Variants in NKAIN3 observed in about 807,000 individuals in gnomAD.
The protein encoded by NKAIN3 is sodium/potassium-transporting ATPase subunit beta-1-interacting protein 3.
NKAIN3 carries 25 observed loss-of-function variants against 30.2 expected under a neutral mutation model. The observed-to-expected ratio is 0.83, with a 90% CI of 0.60 to 1.16. The LOEUF is 1.16. Ranked by LOEUF, NKAIN3 falls within the 50% of genes most tolerant of loss-of-function variation. The probability of loss-of-function intolerance (pLI) is 0.00; values close to 1 mark genes in which losing one functional copy is unlikely to be tolerated. For missense variants in NKAIN3, 225 were observed against 254.1 expected, an observed-to-expected ratio of 0.89 and a Z score of 0.78; for synonymous variants, 91 against 89.6, an observed-to-expected ratio of 1.02 and a Z score of -0.09.
intron 4 of NKAIN3, among the ~76,000 whole-genome samples, chr8:62,779,628 A>G (rs1260379128): frequency 1.3e-5 from 2 of 152,220 alleles, no homozygotes; most frequent in Non-Finnish European, 2.9e-5. Context: ...ACAGACATTT[A>G]CAGAATATTT....
intron 4 of NKAIN3, among the ~76,000 whole-genome samples, chr8:62,846,006 T>A (rs1460551562): frequency 6.6e-6 from 1 of 152,190 alleles, no homozygotes; most frequent in Non-Finnish European, 1.5e-5. Flanking sequence ...TAGAGTGAAT[T>A]CAGAATGTCA....
chr8:62,597,046 T>G (rs1585991710), intron 3 of NKAIN3, among the ~76,000 whole-genome samples: 2 of 152,210 alleles, frequency 1.3e-5, no homozygotes, highest in East Asian at 3.9e-4. Context: ...TTTAACTGCT[T>G]CTGATACTAA....
intron 1 of NKAIN3, among the ~76,000 whole-genome samples, chr8:62,509,862 C>T (rs1807766101): frequency 6.6e-6 from 1 of 152,094 alleles, no homozygotes; most frequent in South Asian, 2.1e-4. Context: ...ATAGGCAAAG[C>T]ATTCTATTAG....
At chr8:62,904,072 C>A (rs2130841358) in intron 4 of NKAIN3, among the ~76,000 whole-genome samples, 1 of 152,294 alleles carries the variant, frequency 6.6e-6, no homozygotes, top group East Asian at 1.9e-4. Context: ...AGCCCTCAAC[C>A]CCTTAGAAGA....
intron 5 of NKAIN3, among the ~76,000 whole-genome samples, chr8:62,948,837 A>T (rs1344793692): frequency 6.6e-6 from 1 of 152,208 alleles, no homozygotes; most frequent in Non-Finnish European, 1.5e-5. Context: ...TAACGGTGTT[A>T]ATTCACGTCT....
At chr8:62,689,005 T>C (rs1563517158) in intron 3 of NKAIN3, among the ~76,000 whole-genome samples, 1 of 152,224 alleles carries the variant, frequency 6.6e-6, no homozygotes, top group Non-Finnish European at 1.5e-5. Context: ...CAATAACAAC[T>C]GTAAGTATGT....
chr8:62,737,933 G>A (rs1251580563), intron 3 of NKAIN3, among the ~76,000 whole-genome samples: 4 of 152,112 alleles, frequency 2.6e-5, no homozygotes, highest in Middle Eastern at 3.2e-3. Flanking sequence ...CATTTGGGTT[G>A]GTTCCAAGTC....
intron 3 of NKAIN3, among the ~76,000 whole-genome samples, chr8:62,618,720 A>C (rs750102186): frequency 7.2e-5 from 11 of 152,150 alleles, no homozygotes; most frequent in Non-Finnish European, 1.3e-4. Flanking sequence ...AGCCTGGCCA[A>C]CTTGGTGAAA....
intron 1 of NKAIN3, among the ~76,000 whole-genome samples, chr8:62,444,336 C>T (rs190834731): frequency 1.5e-3 from 221 of 152,144 alleles, no homozygotes; most frequent in African/African-American, 4.9e-3. Context: ...GAACACTAGA[C>T]CTTATTTCTT....
At chr8:62,290,892 A>G (rs1212296011) in intron 1 of NKAIN3, among the ~76,000 whole-genome samples, 3 of 152,122 alleles carry the variant, frequency 2.0e-5, no homozygotes, top group South Asian at 4.1e-4. Flanking sequence ...TTGGTAGGCT[A>G]TTCATTATTG....
chr8:62,760,978 T>C (rs898427875), intron 4 of NKAIN3, among the ~76,000 whole-genome samples: 6 of 152,204 alleles, frequency 3.9e-5, no homozygotes, highest in Non-Finnish European at 8.8e-5. Context: ...CGTCAGGTAT[T>C]GCTTAGCACT....
intron 3 of NKAIN3, among the ~76,000 whole-genome samples, chr8:62,726,829 AG>A (rs1420496110): frequency 2.6e-5 from 4 of 152,086 alleles, no homozygotes; most frequent in Non-Finnish European, 5.9e-5. Flanking sequence ...AGAAGCAGTG[AG>A]GTTACTCCCT....
In NKAIN3 at chr8:62,970,085, C is replaced by A. The variant is rs539786629; in HGVS notation, c.*4678C>A. Among the ~76,000 whole-genome samples, 15 of 151,696 alleles carry A rather than the reference C, an allele frequency of 9.9e-5. No individual in the cohort carries two copies. Among genetic ancestry groups the A allele is most frequent in the Admixed American group, 6.6e-4 (10 of 15,194 alleles). On this transcript the variant is annotated 3_prime_UTR_variant, in exon 7 of 7. Coordinates refer to ENST00000623646, the MANE Select transcript of NKAIN3 (RefSeq NM_001304533.3). ...TAAAAAAAAATTTAAATTAGCCAAG[C>A]ATGGTGGCATGTACCTATGACCCCA...
intron 1 of NKAIN3, among the ~76,000 whole-genome samples, chr8:62,258,077 G>T (rs868532348): frequency 1.3e-5 from 2 of 151,822 alleles, no homozygotes; most frequent in Non-Finnish European, 2.9e-5. Context: ...AATTGTACCT[G>T]TGTTGTAGCA....
intron 3 of NKAIN3, among the ~76,000 whole-genome samples, chr8:62,663,677 C>T (rs1243790073): frequency 6.6e-6 from 1 of 152,212 alleles, no homozygotes; most frequent in Non-Finnish European, 1.5e-5. Context: ...ACATCTTAAT[C>T]TTAAACAGTG....
intron 2 of NKAIN3, among the ~76,000 whole-genome samples, chr8:62,580,295 G>A (rs1810250538): frequency 1.3e-5 from 2 of 152,148 alleles, no homozygotes; most frequent in Admixed American, 6.5e-5. Context: ...TTAATGAGGT[G>A]TATGCTGTGA....
chr8:62,901,457 G>A (rs1425109387), intron 4 of NKAIN3, among the ~76,000 whole-genome samples: 1 of 152,150 alleles, frequency 6.6e-6, no homozygotes, highest in Non-Finnish European at 1.5e-5. Context: ...AAAGAAGAGA[G>A]AGAGAGTGAG....
intron 4 of NKAIN3, among the ~76,000 whole-genome samples, chr8:62,826,778 TCTC>T (rs968191765): frequency 1.3e-5 from 2 of 152,188 alleles, no homozygotes; most frequent in Non-Finnish European, 2.9e-5. Context: ...AATACAATGC[TCTC>T]CTTGTACTGT....
At chr8:62,867,577 C>A (rs934956532) in intron 4 of NKAIN3, among the ~76,000 whole-genome samples, 9 of 152,076 alleles carry the variant, frequency 5.9e-5, no homozygotes, top group Non-Finnish European at 1.0e-4. Flanking sequence ...CAAGAGGAAC[C>A]AAAAGCCTCC....
Sources: allele counts gnomAD v4.1 joint callset (sites outside exome capture counted in the v4.1 genomes callset), GRCh38; gene constraint gnomAD v4.1.1; transcripts MANE v1.5; gene names NCBI Gene and HGNC (gene_info 2026-07-23, HGNC 2026-07-21).